KIF1A: variants seen among roughly 807,000 people sequenced by gnomAD.
The protein encoded by KIF1A is kinesin-like protein KIF1A.
Under a neutral mutation model 227.3 loss-of-function variants are expected in KIF1A, and 46 were observed. The ratio of observed to expected loss-of-function variants is 0.20; its 90% CI spans 0.16 to 0.26. The LOEUF is 0.26. Among genes scored for constraint, KIF1A ranks in the 10% least tolerant of loss-of-function variants. The probability of loss-of-function intolerance (pLI) is 1.00; values close to 1 mark genes in which losing one functional copy is unlikely to be tolerated. For missense variants in KIF1A, 1,683 were observed against 2,485.9 expected, an observed-to-expected ratio of 0.68 and a Z score of 6.87; for synonymous variants, 1,022 against 1,012.8, an observed-to-expected ratio of 1.01 and a Z score of -0.17.
Position 240,757,272 on chromosome 2 carries a change from C to T in KIF1A, c.2858+47G>A. On this transcript the variant is annotated intron_variant, in intron 27 of 48. Coordinates refer to ENST00000498729, the MANE Select transcript of KIF1A (RefSeq NM_001244008.2). This position sits in a 1 kb window ranked among gnomAD's most constrained non-coding sequence, Gnocchi z 6.2. Reference sequence around the variant, plus strand: ...CTGTGCCCGCAGCAGTGCTCCTGTGCAAAAGAGCTGGGTCCTCCCCAGCAT... The same window carrying T: ...CTGTGCCCGCAGCAGTGCTCCTGTGTAAAAGAGCTGGGTCCTCCCCAGCAT... The T allele has an allele frequency of 6.6e-7, 1 of 1,523,544 alleles. No individual in the cohort carries two copies. The highest frequency in any genetic ancestry group is 1.7e-4 in the Middle Eastern group (1 of 5,926). The allele number at this position is 1,523,544 out of a possible 1,614,324, so 94.4% of individuals were successfully genotyped here.
intron 27 of KIF1A, among the ~76,000 whole-genome samples, chr2:240,754,878 C>T (rs1424682737): frequency 6.6e-6 from 1 of 152,048 alleles, no homozygotes; most frequent in Non-Finnish European, 1.5e-5. Flanking sequence ...CCTTGCCAGT[C>T]CAGAGGGCAC....
intron 12 of KIF1A, among the ~76,000 whole-genome samples, chr2:240,773,780 A>C (rs1317049886): frequency 6.6e-6 from 1 of 152,184 alleles, no homozygotes; most frequent in Non-Finnish European, 1.5e-5. Flanking sequence ...AGCAGCCTCT[A>C]GCATGGCTAG....
Position 240,742,961 on chromosome 2 carries a change from TGGC to T in KIF1A, c.3605_3607del (p.Arg1202del). On this transcript the variant is annotated inframe_deletion, in exon 34 of 49. Transcript: ENST00000498729. ...GGACAGTGGCATGACCCGAGGGAAG[TGGC>T]GGCGCGAGGGCCTCAGGGGGCTGTG... is the stretch of plus-strand genomic sequence containing the variant. 6.2e-7 allele frequency: 1 copy of T among 1,611,108 alleles called. No homozygotes were observed. The highest frequency in any genetic ancestry group is 8.5e-7 in the Non-Finnish European group (1 of 1,178,548).
At chr2:240,734,819 A>T in intron 38 of KIF1A, 5 of 1,052,108 alleles carry the variant, frequency 4.8e-6, no homozygotes, top group Middle Eastern at 2.4e-4. Context: ...GGACAGGCAG[A>T]GGGAAGCGGC....
intron 38 of KIF1A, among the ~76,000 whole-genome samples, chr2:240,731,912 G>A (rs2046667226): frequency 3.0e-5 from 4 of 132,760 alleles, no homozygotes; most frequent in African/African-American, 2.8e-5. Flanking sequence ...AGGGGAGGAG[G>A]GGAGGAGGGG....
At chr2:240,799,273 G>A (rs2056733476) in intron 1 of KIF1A, among the ~76,000 whole-genome samples, 1 of 152,230 alleles carries the variant, frequency 6.6e-6, no homozygotes, top group South Asian at 2.1e-4. Flanking sequence ...AGGGGGCACA[G>A]TGAGCCTGGG....
At chr2:240,802,540 C>T (rs549196764) in intron 1 of KIF1A, among the ~76,000 whole-genome samples, 1 of 152,296 alleles carries the variant, frequency 6.6e-6, no homozygotes, top group South Asian at 2.1e-4. Flanking sequence ...AGAGACTCTA[C>T]ATACAAAGAC....
rs2125890889 is a variant in KIF1A at position 240,760,851 on chromosome 2, A to G, written c.2266-8T>C. On this transcript the variant is annotated splice_polypyrimidine_tract_variant and splice_region_variant and intron_variant, in intron 24 of 48. Coordinates refer to ENST00000498729, the MANE Select transcript of KIF1A (RefSeq NM_001244008.2). Reference sequence around the variant, plus strand: ...GACAAACTGGAATTGTACCTGTGACAGGGGAAGATGACCACTCGTCAGCTC... The same window carrying G: ...GACAAACTGGAATTGTACCTGTGACGGGGGAAGATGACCACTCGTCAGCTC... 2 of 1,604,344 alleles carry G rather than the reference A, an allele frequency of 1.2e-6. No homozygotes were observed. Among genetic ancestry groups the G allele is most frequent in the South Asian group, 1.1e-5 (1 of 89,020 alleles).
At chr2:240,734,820 G>C in intron 38 of KIF1A, 1 of 1,159,748 alleles carries the variant, frequency 8.6e-7, no homozygotes, top group Non-Finnish European at 1.2e-6. Flanking sequence ...GACAGGCAGA[G>C]GGAAGCGGCC....
chr2:240,816,202 G>A (rs1360677325), intron 1 of KIF1A, among the ~76,000 whole-genome samples: 5 of 151,976 alleles, frequency 3.3e-5, no homozygotes, highest in African/African-American at 7.3e-5. Flanking sequence ...GTATGCATGC[G>A]TGCATAAGCA....
chr2:240,731,620 G>T (rs937550978), intron 38 of KIF1A, among the ~76,000 whole-genome samples: 4 of 152,206 alleles, frequency 2.6e-5, no homozygotes, highest in Non-Finnish European at 5.9e-5. Flanking sequence ...CAGGGGCTCG[G>T]CCCTGACCGG....
Position 240,737,123 on chromosome 2 carries a change from G to A in KIF1A, c.3947C>T (p.Pro1316Leu). ...GAGGATGTTGAGAGACAAGATGTTG[G>A]GGTCGATCAGGGACTCGTCGGTCTC... ...TPETDESLID[P>L]NILSLNILSS... Residue 1316 changes from proline (P) to leucine (L), a missense_variant, in exon 38 of 49, where the codon CCC becomes CTC. Physicochemically the swap from Pro to Leu is moderately conservative, Grantham distance 98 (BLOSUM62 -3). Around this residue, in one of 12 missense-constraint regions of KIF1A, gnomAD observed 759 missense variants for 1,020.2 expected, o/e 0.74. Transcript: ENST00000498729. 1 of 1,613,772 alleles carries A rather than the reference G, an allele frequency of 6.2e-7. No homozygotes were observed. Among genetic ancestry groups the A allele is most frequent in the Non-Finnish European group, 8.5e-7 (1 of 1,179,734 alleles).
chr2:240,721,816 G>T lies in KIF1A; in HGVS notation c.4734C>A (p.Ser1578Arg). 1 of 1,604,726 alleles carries T rather than the reference G, an allele frequency of 6.2e-7. No individual in the cohort carries two copies. Residue 1578 changes from serine to arginine, a missense_variant, in exon 44 of 49, where the codon AGC (serine) becomes AGA (arginine). Physicochemically the swap from Ser to Arg is moderately radical, Grantham distance 110. Coordinates refer to ENST00000498729, the MANE Select transcript of KIF1A (RefSeq NM_001244008.2). ...YTHSHVCVSA[S>R]ESKLSEMSVT... ...GCCCCTCTGCACCCACCTTGCTCTCGCTGGCACTGACGCAGACGTGGCTGT... is the reference window on the plus strand; with the variant it reads ...GCCCCTCTGCACCCACCTTGCTCTCTCTGGCACTGACGCAGACGTGGCTGT...
chr2:240,796,731 G>C (rs1446282843), intron 2 of KIF1A, among the ~76,000 whole-genome samples: 1 of 152,148 alleles, frequency 6.6e-6, no homozygotes, highest in Non-Finnish European at 1.5e-5. Context: ...GCTTCTGGAA[G>C]GATCATCCCT....
chr2:240,758,027 C>T lies in KIF1A; in HGVS notation c.2582+333G>A, dbSNP rs1015431323. Among the ~76,000 whole-genome samples, 13 of 152,240 alleles carry T rather than the reference C, an allele frequency of 8.5e-5. No homozygotes were observed. Among genetic ancestry groups the T allele is most frequent in the Admixed American group, 7.2e-4 (11 of 15,290 alleles). On this transcript the variant is annotated intron_variant, in intron 26 of 48. Transcript: ENST00000498729. This position sits in a 1 kb window ranked among gnomAD's most constrained non-coding sequence, Gnocchi z 5.2. The stretch of plus-strand genomic sequence containing the variant: ...ACAGCCCTGCCTCCATGTTCCCACC[C>T]TCAGGACCAACAGGTGACCTGGAAA...
At chr2:240,799,729 C>T (rs1454514047) in intron 1 of KIF1A, among the ~76,000 whole-genome samples, 1 of 152,178 alleles carries the variant, frequency 6.6e-6, no homozygotes, top group Non-Finnish European at 1.5e-5. Context: ...GAGCACAAAT[C>T]CCGCAAGGTT....
At position 240,752,154 on chromosome 2, in the gene KIF1A, C is replaced by T. The variant is rs577461786; in HGVS notation, c.2859-1607G>A. On this transcript the variant is annotated intron_variant, in intron 27 of 48. Coordinates refer to ENST00000498729, the MANE Select transcript of KIF1A (RefSeq NM_001244008.2). The surrounding 1 kb of genome is among the most constrained non-coding windows in gnomAD (Gnocchi z 6.4). ...TGGGCCCTCTCCCCAGCACAACGCC[C>T]CCTCTGAAGATGCCCCCCGAGAAGC... is the stretch of plus-strand genomic sequence containing the variant. 7.9e-5 allele frequency among the ~76,000 whole-genome samples: 12 copies of T among 152,180 alleles called. No homozygotes were observed. The highest frequency in any genetic ancestry group is 2.9e-4 in the African/African-American group (12 of 41,536).
chr2:240,714,906 C>T lies in KIF1A; in HGVS notation c.*2458G>A, dbSNP rs62187810. ...GGACACAGCCAGGCAGTCTCCATGG[C>T]AGTGGAGGCTTCTGAATTTAGGCAG... On this transcript the variant is annotated 3_prime_UTR_variant, in exon 49 of 49. Coordinates refer to ENST00000498729, the MANE Select transcript of KIF1A (RefSeq NM_001244008.2). The T allele has an allele frequency of 0.011, 1,649 of 152,380 alleles. 16 individuals carry two copies. Among genetic ancestry groups the T allele is most frequent in the Non-Finnish European group, 0.017 (1,154 of 68,066 alleles). 9.4% of individuals were successfully genotyped at this position (152,380 alleles called of 1,614,324 possible).
rs961955552 is a variant in KIF1A at position 240,778,723 on chromosome 2, C to T, written c.883-2797G>A. Among the ~76,000 whole-genome samples, 4 of 151,764 alleles carry T rather than the reference C, an allele frequency of 2.6e-5. No homozygotes were observed. The highest frequency in any genetic ancestry group is 4.4e-5 in the Non-Finnish European group (3 of 67,962). Reference sequence around the variant, plus strand: ...TTCCCATCCAGCTCCTCACACTCCCCGACAACCCCTCGCACACGTCTCTGC... The same window carrying T: ...TTCCCATCCAGCTCCTCACACTCCCTGACAACCCCTCGCACACGTCTCTGC... On this transcript the variant is annotated intron_variant, in intron 10 of 48. Coordinates refer to ENST00000498729, the MANE Select transcript of KIF1A (RefSeq NM_001244008.2). The surrounding 1 kb of genome is among the most constrained non-coding windows in gnomAD (Gnocchi z 7.2).
Sources: allele counts gnomAD v4.1 joint callset (sites outside exome capture counted in the v4.1 genomes callset), GRCh38; gene constraint gnomAD v4.1.1; regional missense constraint gnomAD v4.1.1; non-coding constraint Gnocchi (gnomAD v3.1); transcripts MANE v1.5; gene names NCBI Gene and HGNC (gene_info 2026-07-23, HGNC 2026-07-21).